KANK2: variants seen among roughly 807,000 people sequenced by gnomAD.
KANK2 encodes the protein KN motif and ankyrin repeat domain-containing protein 2.
Under a neutral mutation model 74.6 loss-of-function variants are expected in KANK2, and 41 were observed. The observed-to-expected ratio is 0.55, with a 90% CI of 0.43 to 0.71. The LOEUF (loss-of-function observed/expected upper bound fraction) is 0.71, where lower values mean the gene tolerates loss of function less well. Among genes scored for constraint, KANK2 ranks in the 30% least tolerant of loss-of-function variants. KANK2 has a pLI of 0.00. For synonymous variants in KANK2, 537 were observed against 519.0 expected, an observed-to-expected ratio of 1.03 and a Z score of -0.47; for missense variants, 1,148 against 1,196.4, an observed-to-expected ratio of 0.96 and a Z score of 0.60.
chr19:11,193,981 G>A lies in KANK2; in HGVS notation c.99C>T (p.Ser33=), dbSNP rs1215800099. 5.0e-6 allele frequency: 8 copies of A among 1,613,816 alleles called. No homozygotes were observed. Among genetic ancestry groups the A allele is most frequent in the African/African-American group, 1.3e-5 (1 of 75,032 alleles). ...GGCGGTAGCCATAGGGGGTCTCCAC[G>A]GAGTAGGGTGGATCGGGGTCCTTGG... ...FPAKDPDPPY[S]VETPYGYRLD... The change falls in exon 4 of 13, where the codon TCC becomes TCT. Residue 33 remains serine, a synonymous_variant. Coordinates refer to ENST00000586659, the MANE Select transcript of KANK2 (RefSeq NM_001136191.3). This position sits in a 1 kb window ranked among gnomAD's most constrained non-coding sequence, Gnocchi z 9.6.
In KANK2 at chr19:11,178,637, C is replaced by G; in HGVS notation, c.1333G>C (p.Gly445Arg). Residue 445 changes from glycine to arginine, a missense_variant, in exon 5 of 13, where the codon GGC (glycine) becomes CGC (arginine). Physicochemically the swap from Gly to Arg is moderately radical, Grantham distance 125. Coordinates refer to ENST00000586659, the MANE Select transcript of KANK2 (RefSeq NM_001136191.3). ...GTGGGCTCCTGGGTGGGCACTCGGC[C>G]TGTGCTCTTCTCAGGCTGTGTAAGG... ...ASLTQPEKST[G>R]RVPTQEPTHR... 4.4e-6 allele frequency: 7 copies of G among 1,587,318 alleles called. No individual in the cohort carries two copies. The highest frequency in any genetic ancestry group is 6.0e-6 in the Non-Finnish European group (7 of 1,170,998).
chr19:11,188,099 AAAT>A (rs1162924941), intron 4 of KANK2, among the ~76,000 whole-genome samples: 4 of 152,202 alleles, frequency 2.6e-5, no homozygotes, highest in Admixed American at 6.6e-5. Context: ...GAAGGTGAAA[AAAT>A]AATAAGTAAT....
Position 11,169,874 on chromosome 19 carries a change from C to G in KANK2, c.2502+3G>C. ...GTGCCTACCCGGCCGGATTGAGACT[C>G]ACCGAGCACTTGATGTTCATGCGGG... On this transcript the variant is annotated splice_donor_region_variant and intron_variant, in intron 12 of 12. Coordinates refer to ENST00000586659, the MANE Select transcript of KANK2 (RefSeq NM_001136191.3). 6.2e-7 allele frequency: 1 copy of G among 1,613,138 alleles called. No individual in the cohort carries two copies. The highest frequency in any genetic ancestry group is 1.3e-5 in the African/African-American group (1 of 75,054).
chr19:11,191,509 C>T (rs754047093), intron 4 of KANK2, among the ~76,000 whole-genome samples: 63 of 152,242 alleles, frequency 4.1e-4, no homozygotes, highest in East Asian at 1.2e-3. Context: ...GGGTGGGGCT[C>T]CCCTACCCCC....
intron 4 of KANK2, among the ~76,000 whole-genome samples, chr19:11,183,385 C>T (rs1002758691): frequency 6.6e-6 from 1 of 152,154 alleles, no homozygotes; most frequent in Non-Finnish European, 1.5e-5. Flanking sequence ...TCATAGCATA[C>T]ACAAGAAAGA....
intron 10 of KANK2, among the ~76,000 whole-genome samples, chr19:11,171,083 G>A (rs2078160993): frequency 1.3e-5 from 2 of 152,158 alleles, no homozygotes; most frequent in African/African-American, 4.8e-5. Flanking sequence ...GTTTACAGGC[G>A]TGAGCCATCG....
chr19:11,182,721 T>C (rs2078562791), intron 4 of KANK2, among the ~76,000 whole-genome samples: 1 of 147,902 alleles, frequency 6.8e-6, no homozygotes, highest in African/African-American at 2.5e-5. Flanking sequence ...CACGTGCCTG[T>C]AGTCCCAGGT....
chr19:11,171,895 C>T (rs192345600), intron 10 of KANK2, among the ~76,000 whole-genome samples: 2 of 148,956 alleles, frequency 1.3e-5, no homozygotes, highest in East Asian at 2.0e-4. Context: ...AGGCTGGTCT[C>T]AAACTACTGA....
At chr19:11,197,046 A>T (rs2079040741) in intron 1 of KANK2, 1 of 152,408 alleles carries the variant, frequency 6.6e-6, no homozygotes, top group Non-Finnish European at 1.5e-5. Context: ...GCCCAGGCCC[A>T]GCCCGGCCGG....
intron 10 of KANK2, among the ~76,000 whole-genome samples, chr19:11,171,847 A>AT (rs940061781): frequency 4.9e-4 from 73 of 150,418 alleles, no homozygotes; most frequent in African/African-American, 1.6e-3. Flanking sequence ...ATTTTTATAT[A>AT]TTTTTTTTAG....
At chr19:11,171,514 G>C (rs560623896) in intron 10 of KANK2, among the ~76,000 whole-genome samples, 11 of 141,378 alleles carry the variant, frequency 7.8e-5, no homozygotes, top group Middle Eastern at 3.6e-3. Flanking sequence ...CTTATGTTTT[G>C]TGAATTTCAC....
chr19:11,181,488 C>T (rs2078517394), intron 4 of KANK2, among the ~76,000 whole-genome samples: 1 of 152,072 alleles, frequency 6.6e-6, no homozygotes, highest in Admixed American at 6.6e-5. Context: ...CTCAAGTGAT[C>T]CATCTGCCTC....
chr19:11,185,410 G>C (rs1424171910), intron 4 of KANK2, among the ~76,000 whole-genome samples: 1 of 149,144 alleles, frequency 6.7e-6, no homozygotes, highest in Non-Finnish European at 1.5e-5. Context: ...CAAACTCCTG[G>C]CCTCAAGTGA....
intron 4 of KANK2, among the ~76,000 whole-genome samples, chr19:11,181,157 T>A (rs1318050663): frequency 1.4e-5 from 2 of 147,958 alleles, no homozygotes; most frequent in African/African-American, 5.0e-5. Flanking sequence ...AATATTATGC[T>A]AAGTGAAAGA....
chr19:11,188,696 C>T (rs2078748780), intron 4 of KANK2, among the ~76,000 whole-genome samples: 1 of 150,968 alleles, frequency 6.6e-6, no homozygotes, highest in African/African-American at 2.4e-5. Context: ...AAAGATGCTC[C>T]TTGGAGGGTG....
intron 4 of KANK2, among the ~76,000 whole-genome samples, chr19:11,180,811 C>T (rs987816151): frequency 6.6e-6 from 1 of 152,098 alleles, no homozygotes; most frequent in Non-Finnish European, 1.5e-5. Context: ...AGAGGCCGGG[C>T]GCAGTAGCTC....
In KANK2 at chr19:11,193,939, G is replaced by A. The variant is rs1288939724; in HGVS notation, c.141C>T (p.Leu47=). The A allele has an allele frequency of 1.2e-6, 2 of 1,614,054 alleles. No individual in the cohort carries two copies. The highest frequency in any genetic ancestry group is 2.7e-5 in the African/African-American group (2 of 75,042). ...CCTTCTCGATGTCATCCACGTACTT[G>A]AGGAAGTCCAGGTCCAGGCGGTAGC... The part of the protein sequence containing the change: ...PYGYRLDLDF[L]KYVDDIEKGH... Residue 47 remains leucine (L), a synonymous_variant, in exon 4 of 13, where the codon CTC becomes CTT. Transcript: ENST00000586659. The surrounding 1 kb of genome is among the most constrained non-coding windows in gnomAD (Gnocchi z 9.6).
Position 11,169,767 on chromosome 19 carries a change from C to A in KANK2, c.2502+110G>T, listed in dbSNP as rs527662994. The A allele has an allele frequency of 7.0e-5, 65 of 922,484 alleles. No homozygotes were observed. The South Asian group carries it at 9.4e-4, about 13-fold the overall frequency. 57.1% of individuals were successfully genotyped at this position (922,484 alleles called of 1,614,324 possible). On this transcript the variant is annotated intron_variant, in intron 12 of 12. Coordinates refer to ENST00000586659, the MANE Select transcript of KANK2 (RefSeq NM_001136191.3). ...AATGAGCCCAGATCGTGCCACCGCA[C>A]TCCACCCTGGGCGACAGAGTGAGAC... is the stretch of plus-strand genomic sequence containing the variant.
At position 11,193,674 on chromosome 19, in the gene KANK2, C is replaced by G; in HGVS notation, c.406G>C (p.Glu136Gln). 1.9e-6 allele frequency: 3 copies of G among 1,605,442 alleles called. No homozygotes were observed. Among genetic ancestry groups the G allele is most frequent in the South Asian group, 1.1e-5 (1 of 90,706 alleles). The change falls in exon 4 of 13, where the codon GAG becomes CAG. Residue 136 changes from glutamate (E) to glutamine (Q), a missense_variant. Coordinates refer to ENST00000586659, the MANE Select transcript of KANK2 (RefSeq NM_001136191.3). The surrounding 1 kb of genome is among the most constrained non-coding windows in gnomAD (Gnocchi z 9.6). ...CCGGTGGGTGTGGCCGCCTGGTCCTCGAGACGGCGACGGGCATCCAGCAGC... is the reference window on the plus strand; with the variant it reads ...CCGGTGGGTGTGGCCGCCTGGTCCTGGAGACGGCGACGGGCATCCAGCAGC... ...RTLLDARRRLEDQAATPTGLG... is the reference protein window; with the variant it reads ...RTLLDARRRLQDQAATPTGLG...
Sources: gnomAD v4.1 joint callset for allele counts (sites outside exome capture counted in the v4.1 genomes callset) on GRCh38, gnomAD v4.1.1 for gene constraint, Gnocchi (gnomAD v3.1) non-coding constraint, MANE v1.5 for transcripts, NCBI Gene and HGNC (gene_info 2026-07-23, HGNC 2026-07-21) for gene names.